The following MON1A variants were observed in gnomAD, a reference collection of about 807,000 sequenced individuals.
The protein encoded by MON1A is MON1 vesicular trafficking associated A.
Under a neutral mutation model 44.6 loss-of-function variants are expected in MON1A, and 29 were observed. The observed-to-expected ratio is 0.65, with a 90% CI of 0.48 to 0.89. MON1A has a LOEUF of 0.89. Ranked by LOEUF, MON1A falls within the 40% of genes least tolerant of loss-of-function variation. The pLI is 0.00. For synonymous variants in MON1A, 275 were observed against 316.4 expected (o/e 0.87, Z 1.39); for missense variants, 615 against 759.6 (o/e 0.81, Z 2.24).
Position 49,909,270 on chromosome 3 carries a change from C to T in MON1A, c.1510G>A (p.Glu504Lys), listed in dbSNP as rs761580206. Residue 504 changes from glutamate to lysine, a missense_variant, in exon 5 of 6, where the codon GAG (glutamate) becomes AAG (lysine). Glu to Lys is a moderately conservative substitution (Grantham distance 56). Transcript: ENST00000296473. The surrounding 1 kb of genome is among the most constrained non-coding windows in gnomAD (Gnocchi z 4.0). ...TGCCTTACCCAGGCCAGGAGGTTCT[C>T]GTTGGGGCCCGTGTAGTAAATGGTC... The part of the protein sequence containing the change: ...LKTIYYTGPN[E>K]NLLAWVTGAF... The T allele has an allele frequency of 2.5e-6, 4 of 1,613,944 alleles. No individual in the cohort carries two copies. The highest frequency in any genetic ancestry group is 2.2e-5 in the East Asian group (1 of 44,886).
At chr3:49,914,216 G>A (rs922322251) in intron 1 of MON1A, among the ~76,000 whole-genome samples, 26 of 149,772 alleles carry the variant, frequency 1.7e-4, no homozygotes, top group East Asian at 6.0e-4. Context: ...TCAGCCTCCC[G>A]GGGTAGCTGG....
intron 1 of MON1A, chr3:49,920,441 T>TA (rs2082986316): frequency 6.6e-6 from 1 of 152,188 alleles, no homozygotes; most frequent in African/African-American, 2.4e-5. Flanking sequence ...TACTTTTTTT[T>TA]AATCTCCAGC....
At position 49,911,190 on chromosome 3, in the gene MON1A, TTAGATAGATAGATAGATAGATAGATAGA is replaced by T. The variant is rs10564221; in HGVS notation, c.613+308_614-307del. The stretch of plus-strand genomic sequence containing the variant: ...GCTCAGGACCTGGGAGATAGATAGA[TTAGATAGATAGATAGATAGATAGATAGA>T]TAGATAGATAGATAGATAGATAGAT... On this transcript the variant is annotated intron_variant, in intron 3 of 5. Transcript: ENST00000296473. The surrounding 1 kb of genome is among the most constrained non-coding windows in gnomAD (Gnocchi z 5.7). 1.0e-5 allele frequency among the ~76,000 whole-genome samples: 1 copy of T among 95,470 alleles called. No individual in the cohort carries two copies. Among genetic ancestry groups the T allele is most frequent in the Non-Finnish European group, 2.3e-5 (1 of 43,876 alleles). 62.6% of individuals were successfully genotyped at this position (95,470 alleles called of 152,430 possible). A position where few individuals can be genotyped will look rare whatever the true frequency, so the allele number is the denominator to read the frequency against.
intron 1 of MON1A, among the ~76,000 whole-genome samples, chr3:49,914,777 A>T (rs1279331912): frequency 4.7e-5 from 7 of 148,044 alleles, no homozygotes; most frequent in African/African-American, 5.0e-5. Flanking sequence ...TGAACTCCTG[A>T]CCTTGTGATC....
intron 1 of MON1A, among the ~76,000 whole-genome samples, chr3:49,918,900 A>C (rs1028713903): frequency 2.0e-5 from 3 of 152,094 alleles, no homozygotes; most frequent in Admixed American, 6.6e-5. Context: ...ACCCCCTCCC[A>C]GCAGGGCTTG....
rs746521696 is a variant in MON1A, at chr3:49,910,495, G to A, written c.1003C>T (p.Arg335Ter). Residue 335 changes from arginine (R) to a stop codon, truncating the protein, a stop_gained, in exon 4 of 6, where the codon CGA becomes TGA. Transcript: ENST00000296473. LOFTEE classifies it high-confidence loss of function. This position sits in a 1 kb window ranked among gnomAD's most constrained non-coding sequence, Gnocchi z 8.0. ...ARNQLVALVR[R>*]KDQFLHPIDL... ...ATGGGGTGCAGAAATTGGTCCTTTC[G>A]GCGCACGAGTGCCACGAGCTGGTTG... is the stretch of plus-strand genomic sequence containing the variant. 1 of 1,614,026 alleles carries A rather than the reference G, an allele frequency of 6.2e-7. No individual in the cohort carries two copies. Among genetic ancestry groups the A allele is most frequent in the South Asian group, 1.1e-5 (1 of 91,086 alleles).
rs371692412 is a variant in MON1A at position 49,912,007 on chromosome 3, C to T, written c.132G>A (p.Ala44=). ...GGACGAACATGGCACCCTCCTGGCC[C>T]GCACCTGCAGGCCAAAAGCACTGGT... The part of the protein sequence containing the change: ...PGMAQGMEPG[A]GQEGAMFVHA... Residue 44 remains alanine, a synonymous_variant, in exon 3 of 6, where the codon GCG becomes GCA. Transcript: ENST00000296473. 1.6e-5 allele frequency: 25 copies of T among 1,569,100 alleles called. No homozygotes were observed. Among genetic ancestry groups the T allele is most frequent in the African/African-American group, 8.1e-5 (6 of 73,774 alleles).
At chr3:49,921,131 C>A (rs948903896) in intron 1 of MON1A, among the ~76,000 whole-genome samples, 1 of 151,440 alleles carries the variant, frequency 6.6e-6, no homozygotes, top group Non-Finnish European at 1.5e-5. Context: ...ACTCCAGCCT[C>A]GGCAATAAGA....
In MON1A at chr3:49,909,869, G is replaced by T. The variant is rs1262793042; in HGVS notation, c.1379+250C>A. 2 of 464,342 alleles carry T rather than the reference G, an allele frequency of 4.3e-6. No homozygotes were observed. The highest frequency in any genetic ancestry group is 7.6e-6 in the Non-Finnish European group (2 of 264,814). 28.8% of individuals were successfully genotyped at this position (464,342 alleles called of 1,614,324 possible). On this transcript the variant is annotated intron_variant, in intron 4 of 5. Transcript: ENST00000296473. The surrounding 1 kb of genome is among the most constrained non-coding windows in gnomAD (Gnocchi z 4.0). ...AGGGCAAGGGACCCCGGAGACCTCT[G>T]TTCCAGTTTCCTTCTCTGGGTATAT...
chr3:49,910,820 C>T lies in MON1A; in HGVS notation c.678G>A (p.Arg226=), dbSNP rs773158890. 5 of 1,611,860 alleles carry T rather than the reference C, an allele frequency of 3.1e-6. No homozygotes were observed. The South Asian group carries it at 3.3e-5, about 11-fold the overall frequency. The change falls in exon 4 of 6, where the codon CGG becomes CGA. Residue 226 remains arginine, a synonymous_variant. Coordinates refer to ENST00000296473, the MANE Select transcript of MON1A (RefSeq NM_032355.4). The surrounding 1 kb of genome is among the most constrained non-coding windows in gnomAD (Gnocchi z 8.0). ...CCTGCGCCAGCTCTTGTGCCGACTG[C>T]CGCGTACGAGCCACCGCCACTAGCA... The part of the protein sequence containing the change: ...PLVLVAVART[R]QSAQELAQEL...
rs2082843623 is a variant in MON1A at position 49,909,071 on chromosome 3, C to T, written c.1611G>A (p.Met537Ile). The change falls in exon 6 of 6, where the codon ATG (methionine) becomes ATA (isoleucine). Residue 537 changes from methionine to isoleucine, a missense_variant. Coordinates refer to ENST00000296473, the MANE Select transcript of MON1A (RefSeq NM_032355.4). This position sits in a 1 kb window ranked among gnomAD's most constrained non-coding sequence, Gnocchi z 4.0. ...GGTCTTCCTCTTTGCGGATCCAGCG[C>T]ATCAGCTTATGGATGGCACTGACGG... is the stretch of plus-strand genomic sequence containing the variant. ...ASAVSAIHKL[M>I]RWIRKEEDRL... 1 of 1,613,974 alleles carries T rather than the reference C, an allele frequency of 6.2e-7. No homozygotes were observed. Among genetic ancestry groups the T allele is most frequent in the South Asian group, 1.1e-5 (1 of 91,062 alleles).
intron 2 of MON1A, among the ~76,000 whole-genome samples, 193 bp from the exon 3 acceptor site, chr3:49,912,204 T>C (rs2082894535): frequency 6.6e-6 from 1 of 152,186 alleles, no homozygotes; most frequent in African/African-American, 2.4e-5. Context: ...CTCATCGTAC[T>C]GGAAAGAAGA....
chr3:49,910,632 A>G lies in MON1A; in HGVS notation c.866T>C (p.Leu289Pro), dbSNP rs1454935881. 1 of 1,603,396 alleles carries G rather than the reference A, an allele frequency of 6.2e-7. No homozygotes were observed. Among genetic ancestry groups the G allele is most frequent in the Non-Finnish European group, 8.5e-7 (1 of 1,173,606 alleles). ...GGGCAGGCACCGTGCCGCCCCCATC[A>G]GGAAGCTGGGGTCTCGTGCCATGAG... ...LQLMARDPSF[L>P]MGAARCLPLA... The change falls in exon 4 of 6, where the codon CTG becomes CCG. Residue 289 changes from leucine (L) to proline (P), a missense_variant. Transcript: ENST00000296473. This position sits in a 1 kb window ranked among gnomAD's most constrained non-coding sequence, Gnocchi z 8.0.
intron 1 of MON1A, among the ~76,000 whole-genome samples, chr3:49,913,772 C>T (rs1441456121): frequency 6.7e-6 from 1 of 149,916 alleles, no homozygotes; most frequent in African/African-American, 2.5e-5. Flanking sequence ...AAGCAATACT[C>T]GTGCCTCAGC....
At chr3:49,914,370 A>ACC (rs2082924270) in intron 1 of MON1A, among the ~76,000 whole-genome samples, 6 of 151,498 alleles carry the variant, frequency 4.0e-5, no homozygotes, top group Admixed American at 3.3e-4. Flanking sequence ...GGTGTGAGCC[A>ACC]CCGTGCCCCA....
Position 49,910,391 on chromosome 3 carries a change from C to T in MON1A, c.1107G>A (p.Leu369=). 6.2e-7 allele frequency: 1 copy of T among 1,614,226 alleles called. No homozygotes were observed. ...REGEAWTPVC[L]PKFNAAGFFH... ...AGAAGCCGGCTGCGTTGAATTTGGG[C>T]AGGCACACGGGCGTCCAGGCCTCGC... The change falls in exon 4 of 6, where the codon CTG becomes CTA. Residue 369 remains leucine (L), a synonymous_variant. Coordinates refer to ENST00000296473, the MANE Select transcript of MON1A (RefSeq NM_032355.4). This position sits in a 1 kb window ranked among gnomAD's most constrained non-coding sequence, Gnocchi z 8.0.
intron 1 of MON1A, among the ~76,000 whole-genome samples, chr3:49,921,207 G>A (rs1439650870): frequency 1.3e-5 from 2 of 151,538 alleles, no homozygotes; most frequent in Non-Finnish European, 2.9e-5. Context: ...GCCTGGACTG[G>A]AGTGCAGTGG....
chr3:49,913,466 T>C, intron 1 of MON1A, 107 bp from the exon 2 acceptor site: 3 of 1,039,572 alleles, frequency 2.9e-6, no homozygotes, highest in Non-Finnish European at 4.1e-6. Flanking sequence ...CTCCACTAAC[T>C]CAAATCTCTA....
chr3:49,910,910 T>A lies in MON1A; in HGVS notation c.614-26A>T. 6.4e-7 allele frequency: 1 copy of A among 1,563,996 alleles called. No individual in the cohort carries two copies. On this transcript the variant is annotated intron_variant, in intron 3 of 5. Transcript: ENST00000296473. This position sits in a 1 kb window ranked among gnomAD's most constrained non-coding sequence, Gnocchi z 8.0. ...CTGAGAGCGGGACAGGAAAGAAGGA[T>A]GTCAGCCTCAGCGGCAGCTCCCTCC...
Sources: allele counts gnomAD v4.1 joint callset (sites outside exome capture counted in the v4.1 genomes callset), GRCh38; gene constraint gnomAD v4.1.1; non-coding constraint Gnocchi (gnomAD v3.1); transcripts MANE v1.5; gene names NCBI Gene and HGNC (gene_info 2026-07-23, HGNC 2026-07-21).